Variants in RRAS2 observed in about 807,000 individuals in gnomAD.
RRAS2 encodes RAS related 2, also known as ras-related protein R-Ras2.
A neutral mutation model predicts 27.6 loss-of-function variants in RRAS2; 7 were observed. The observed-to-expected ratio is 0.25, with a 90% CI of 0.14 to 0.48. The LOEUF is 0.48. RRAS2 is among the 20% of genes least tolerant of loss of function. The pLI, the probability that RRAS2 is intolerant of heterozygous loss-of-function variation, is 0.99. For missense variants in RRAS2, 178 were observed against 256.2 expected (o/e 0.69, Z 2.08); for synonymous variants, 86 against 90.9 (o/e 0.95, Z 0.31).
At chr11:14,302,064 CCACACACATACA>C (rs782227102) in intron 1 of RRAS2, among the ~76,000 whole-genome samples, 4 of 51,846 alleles carry the variant, frequency 7.7e-5, no homozygotes, top group South Asian at 8.3e-4. Flanking sequence ...AGTAAATGTA[CCACACACATACA>C]CACACACACA....
At chr11:14,291,904 C>T (rs1002579524) in intron 4 of RRAS2, among the ~76,000 whole-genome samples, 1 of 152,118 alleles carries the variant, frequency 6.6e-6, no homozygotes, top group African/African-American at 2.4e-5. Flanking sequence ...TTTGCATATA[C>T]ATAATGATGT....
intron 1 of RRAS2, among the ~76,000 whole-genome samples, chr11:14,302,156 T>C (rs762382998): frequency 1.4e-4 from 21 of 150,968 alleles, no homozygotes; most frequent in Admixed American, 6.6e-4. Context: ...TTCTCCTTCT[T>C]GAGCTCCTGC....
chr11:14,361,483 C>T (rs563558526), upstream of RRAS2, among the ~76,000 whole-genome samples: 2 of 151,454 alleles, frequency 1.3e-5, no homozygotes, highest in South Asian at 4.2e-4. Context: ...GAGCCGAGCT[C>T]GGGGCCACCG....
intron 1 of RRAS2, among the ~76,000 whole-genome samples, chr11:14,323,471 T>A (rs575366463): frequency 1.7e-4 from 25 of 150,718 alleles, no homozygotes; most frequent in Non-Finnish European, 3.0e-4. Flanking sequence ...AAAAAAAGGA[T>A]AATCAGAAAG....
chr11:14,313,947 A>G (rs1848035766), intron 1 of RRAS2, among the ~76,000 whole-genome samples: 1 of 152,242 alleles, frequency 6.6e-6, no homozygotes, highest in African/African-American at 2.4e-5. Flanking sequence ...CTCAAGAGCA[A>G]TCAGTAAAGA....
intron 1 of RRAS2, among the ~76,000 whole-genome samples, chr11:14,304,177 A>T (rs1461077390): frequency 6.6e-6 from 1 of 152,146 alleles, no homozygotes; most frequent in Non-Finnish European, 1.5e-5. Context: ...TTCATTCCCC[A>T]AACTCGAGGG....
intron 4 of RRAS2, among the ~76,000 whole-genome samples, chr11:14,288,470 C>T (rs980390720): frequency 6.6e-6 from 1 of 152,126 alleles, no homozygotes; most frequent in Non-Finnish European, 1.5e-5. Context: ...GGACAACATA[C>T]CGGAACAGAG....
intron 1 of RRAS2, among the ~76,000 whole-genome samples, chr11:14,343,215 A>ATACTTTGCCC (rs1848754295): frequency 6.6e-6 from 1 of 152,248 alleles, no homozygotes; most frequent in Non-Finnish European, 1.5e-5. Context: ...CACTAAATAT[A>ATACTTTGCCC]TACTTTGCAA....
upstream of RRAS2, among the ~76,000 whole-genome samples, chr11:14,361,805 A>G (rs1303729060): frequency 6.6e-6 from 1 of 152,248 alleles, no homozygotes; most frequent in Non-Finnish European, 1.5e-5. Flanking sequence ...TGAATGTTAT[A>G]TATAATAGCC....
chr11:14,358,851 C>T lies in RRAS2; in HGVS notation c.20G>A (p.Arg7Gln), dbSNP rs1439228169. 2.3e-5 allele frequency: 34 copies of T among 1,474,894 alleles called. No individual in the cohort carries two copies. The highest frequency in any genetic ancestry group is 2.9e-5 in the Non-Finnish European group (32 of 1,105,818). The allele number at this position is 1,474,894 out of a possible 1,614,324, so 91.4% of individuals were successfully genotyped here. MAAAGW[R>Q]DGSGQEKYRL... ...GTACTTCTCCTGGCCGGAGCCGTCC[C>T]GCCAGCCGGCCGCGGCCATGGGGAC... The change falls in exon 1 of 6, where the codon CGG (arginine) becomes CAG (glutamine). Residue 7 changes from arginine to glutamine, a missense_variant. Physicochemically the swap from Arg to Gln is conservative, Grantham distance 43. Transcript: ENST00000256196. This position sits in a 1 kb window ranked among gnomAD's most constrained non-coding sequence, Gnocchi z 5.1.
At position 14,359,148 on chromosome 11, in the gene RRAS2, G is replaced by A. The variant is rs540169778; in HGVS notation, c.-278C>T. The A allele has an allele frequency of 9.8e-7, 1 of 1,019,208 alleles. No homozygotes were observed. The allele number at this position is 1,019,208 out of a possible 1,614,324, so 63.1% of individuals were successfully genotyped here. A position where few individuals can be genotyped will look rare whatever the true frequency, so the allele number is the denominator to read the frequency against. ...TCTACGCGTCTCCGCAGCGCCTGCC[G>A]AACGCAGCCTCCAGCGCCGCCACAA... On this transcript the variant is annotated 5_prime_UTR_variant, in exon 1 of 6. Transcript: ENST00000256196.
chr11:14,321,368 G>A (rs1591470313), intron 1 of RRAS2, among the ~76,000 whole-genome samples: 2 of 152,132 alleles, frequency 1.3e-5, no homozygotes, highest in South Asian at 2.1e-4. Context: ...AGGATGGCAC[G>A]AAAGTCCCTC....
intron 1 of RRAS2, among the ~76,000 whole-genome samples, chr11:14,356,287 A>G (rs1324307593): frequency 1.3e-5 from 2 of 152,108 alleles, no homozygotes; most frequent in Non-Finnish European, 2.9e-5. Context: ...TCCTCTCTCC[A>G]AACTAGCATA....
chr11:14,293,150 T>TG (rs1847459501), intron 4 of RRAS2, among the ~76,000 whole-genome samples: 5 of 133,208 alleles, frequency 3.8e-5, no homozygotes, highest in Non-Finnish European at 6.2e-5. Context: ...TATATATATA[T>TG]ATATATATAT....
chr11:14,284,339 C>T (rs555502878), intron 4 of RRAS2, among the ~76,000 whole-genome samples: 230 of 152,114 alleles, frequency 1.5e-3, no homozygotes, highest in African/African-American at 5.3e-3. Flanking sequence ...TCCTAGATAC[C>T]TCTCTGTTAT....
chr11:14,345,634 A>G (rs1435813149), intron 1 of RRAS2, among the ~76,000 whole-genome samples: 1 of 152,252 alleles, frequency 6.6e-6, no homozygotes, highest in Non-Finnish European at 1.5e-5. Context: ...GCCTCACTGC[A>G]GAAAGCTGTG....
chr11:14,299,899 T>G (rs1035480579), intron 1 of RRAS2, among the ~76,000 whole-genome samples: 11 of 152,216 alleles, frequency 7.2e-5, no homozygotes, highest in African/African-American at 2.7e-4. Flanking sequence ...ACTACAGTTA[T>G]GTACAGAACT....
At chr11:14,340,168 G>A (rs1476781451) in intron 1 of RRAS2, among the ~76,000 whole-genome samples, 1 of 144,210 alleles carries the variant, frequency 6.9e-6, no homozygotes, top group African/African-American at 2.5e-5. Context: ...GCGCGACCTC[G>A]GCTCACTGCA....
Position 14,358,250 on chromosome 11 carries a change from A to G in RRAS2, c.108+513T>C, listed in dbSNP as rs1849124090. ...GCGTAACACACACACAAAGAAATAC[A>G]CAGTACTTGAAGCGGGCAGCTCCGG... On this transcript the variant is annotated intron_variant, in intron 1 of 5. Transcript: ENST00000256196. This position sits in a 1 kb window ranked among gnomAD's most constrained non-coding sequence, Gnocchi z 5.1. The G allele has an allele frequency of 1.0e-6, 1 of 985,484 alleles. No homozygotes were observed. The allele number at this position is 985,484 out of a possible 1,614,324, so 61.0% of individuals were successfully genotyped here.
Sources: gnomAD v4.1 joint callset for allele counts (sites outside exome capture counted in the v4.1 genomes callset) on GRCh38, gnomAD v4.1.1 for gene constraint, Gnocchi (gnomAD v3.1) non-coding constraint, MANE v1.5 for transcripts, NCBI Gene and HGNC (gene_info 2026-07-23, HGNC 2026-07-21) for gene names.